The following NCBP3 variants were observed in gnomAD, a reference collection of about 807,000 sequenced individuals.
The protein encoded by NCBP3 is nuclear cap-binding protein subunit 3.
NCBP3 carries 20 observed loss-of-function variants against 75.7 expected under a neutral mutation model. The observed-to-expected ratio is 0.26, with a 90% CI of 0.19 to 0.38. The LOEUF is 0.38. Ranked by LOEUF, NCBP3 falls within the 10% of genes least tolerant of loss-of-function variation. The probability of loss-of-function intolerance (pLI) is 1.00; values close to 1 mark genes in which losing one functional copy is unlikely to be tolerated. For missense variants in NCBP3, 678 were observed against 796.9 expected, an observed-to-expected ratio of 0.85 and a Z score of 1.80; for synonymous variants, 293 against 290.5, an observed-to-expected ratio of 1.01 and a Z score of -0.09.
In NCBP3 at chr17:3,818,448, C is replaced by A; in HGVS notation, c.1125G>T (p.Glu375Asp). Residue 375 changes from glutamate (E) to aspartate (D), a missense_variant, in exon 10 of 13, where the codon GAG becomes GAT. Around this residue, in one of 7 missense-constraint regions of NCBP3, gnomAD observed 365 missense variants for 392.7 expected, o/e 0.93. Coordinates refer to ENST00000389005, the MANE Select transcript of NCBP3 (RefSeq NM_001114118.3). This position sits in a 1 kb window ranked among gnomAD's most constrained non-coding sequence, Gnocchi z 4.7. ...GGGGCTGCTTGAGAGCCGGGAGCTC[C>A]TCGTGGTACTCTACCACCACTCTGT... ...ADDRVVVEYH[E>D]ELPALKQPRE... 6.2e-7 allele frequency: 1 copy of A among 1,614,070 alleles called. No individual in the cohort carries two copies. The highest frequency in any genetic ancestry group is 8.5e-7 in the Non-Finnish European group (1 of 1,180,024).
At chr17:3,822,109 G>T in intron 7 of NCBP3, 57 bp from the exon 8 acceptor site, 6 of 1,230,128 alleles carry the variant, frequency 4.9e-6, no homozygotes, top group African/African-American at 1.5e-5. Context: ...AGACAATGTT[G>T]AATTTTTTTT....
At chr17:3,842,566 C>T (rs2429561) in intron 2 of NCBP3, among the ~76,000 whole-genome samples, 7,614 of 152,270 alleles carry the variant, frequency 0.05, 422 homozygotes, top group African/African-American at 0.14. Flanking sequence ...AACGGTTCAA[C>T]ACAGGTATCT....
rs1293316219 is a variant in NCBP3, at chr17:3,808,866, A to G, written c.*4178T>C. The G allele has an allele frequency of 6.6e-6, 1 of 152,142 alleles. No homozygotes were observed. The highest frequency in any genetic ancestry group is 1.5e-5 in the Non-Finnish European group (1 of 68,034). The allele number at this position is 152,142 out of a possible 1,614,324, so 9.4% of individuals were successfully genotyped here. A position where few individuals can be genotyped will look rare whatever the true frequency, so the allele number is the denominator to read the frequency against. On this transcript the variant is annotated 3_prime_UTR_variant, in exon 13 of 13. Transcript: ENST00000389005. ...GTGTGGAATTTATTCTCGGGGCAATAGTGAAGCTTTGGAAAACGTTCAAGC... is the reference window on the plus strand; with the variant it reads ...GTGTGGAATTTATTCTCGGGGCAATGGTGAAGCTTTGGAAAACGTTCAAGC...
intron 9 of NCBP3, among the ~76,000 whole-genome samples, chr17:3,819,645 C>T (rs915333972): frequency 6.6e-6 from 1 of 151,646 alleles, no homozygotes; most frequent in Admixed American, 6.6e-5. Flanking sequence ...AGGCTATGTA[C>T]GATTCAGTAT....
chr17:3,836,317 T>C (rs762970054), intron 3 of NCBP3, among the ~76,000 whole-genome samples: 7 of 152,200 alleles, frequency 4.6e-5, no homozygotes, highest in Non-Finnish European at 1.0e-4. Context: ...CGCCACTCTA[T>C]GGACTGTAAC....
chr17:3,842,183 G>C (rs565653874), intron 2 of NCBP3, among the ~76,000 whole-genome samples: 2 of 152,146 alleles, frequency 1.3e-5, no homozygotes, highest in Non-Finnish European at 2.9e-5. Context: ...CCAGCACTTC[G>C]GGAGGCTGAG....
chr17:3,824,946 T>C lies in NCBP3; in HGVS notation c.792A>G (p.Thr264=), dbSNP rs1231222773. ...AATACCAAATATTACATTTACCTTTTGTAGCAAATCTCATGAATAACCTAT... is the reference window on the plus strand; with the variant it reads ...AATACCAAATATTACATTTACCTTTCGTAGCAAATCTCATGAATAACCTAT... ...KGNRLFMRFA[T]KDDKKELGAA... Residue 264 remains threonine, a synonymous_variant, in exon 7 of 13, where the codon ACA becomes ACG. Transcript: ENST00000389005. 1 of 1,507,540 alleles carries C rather than the reference T, an allele frequency of 6.6e-7. No individual in the cohort carries two copies. The highest frequency in any genetic ancestry group is 9.0e-7 in the Non-Finnish European group (1 of 1,115,052). The allele number at this position is 1,507,540 out of a possible 1,614,324, so 93.4% of individuals were successfully genotyped here.
At chr17:3,820,240 G>A (rs2053636676) in intron 9 of NCBP3, among the ~76,000 whole-genome samples, 1 of 152,146 alleles carries the variant, frequency 6.6e-6, no homozygotes. Flanking sequence ...GTGAGCCACT[G>A]TTCCCATCCT....
In NCBP3 at chr17:3,806,948, G is replaced by A. The variant is rs978303651; in HGVS notation, c.*6096C>T. 1 of 152,150 alleles carries A rather than the reference G, an allele frequency of 6.6e-6. No individual in the cohort carries two copies. Among genetic ancestry groups the A allele is most frequent in the South Asian group, 2.1e-4 (1 of 4,828 alleles). The allele number at this position is 152,150 out of a possible 1,614,324, so 9.4% of individuals were successfully genotyped here. A position where few individuals can be genotyped will look rare whatever the true frequency, so the allele number is the denominator to read the frequency against. On this transcript the variant is annotated 3_prime_UTR_variant, in exon 13 of 13. Transcript: ENST00000389005. ...ATTATAAGGTTTAAAAGCAATTACT[G>A]TACTTATGTATCGAACTTATTTGTG... is the stretch of plus-strand genomic sequence containing the variant.
intron 3 of NCBP3, among the ~76,000 whole-genome samples, chr17:3,835,163 G>C (rs1216957803): frequency 6.6e-6 from 1 of 152,184 alleles, no homozygotes; most frequent in Non-Finnish European, 1.5e-5. Context: ...GAAAGCAGAG[G>C]TTTGAAATCA....
In NCBP3 at chr17:3,810,049, G is replaced by C. The variant is rs992726550; in HGVS notation, c.*2995C>G. Reference sequence around the variant, plus strand: ...TTGCTAATGGACTCAGGGTTTCTTTGGGTGATCAAAGTGTTTTAAAATTGA... The same window carrying C: ...TTGCTAATGGACTCAGGGTTTCTTTCGGTGATCAAAGTGTTTTAAAATTGA... On this transcript the variant is annotated 3_prime_UTR_variant, in exon 13 of 13. Coordinates refer to ENST00000389005, the MANE Select transcript of NCBP3 (RefSeq NM_001114118.3). The C allele has an allele frequency of 3.4e-4, 52 of 152,160 alleles. No homozygotes were observed. The highest frequency in any genetic ancestry group is 1.2e-3 in the African/African-American group (51 of 41,434). 9.4% of individuals were successfully genotyped at this position (152,160 alleles called of 1,614,324 possible). A position where few individuals can be genotyped will look rare whatever the true frequency, so the allele number is the denominator to read the frequency against.
Position 3,813,233 on chromosome 17 carries a change from C to A in NCBP3, c.1674G>T (p.Lys558Asn). The A allele has an allele frequency of 6.2e-7, 1 of 1,614,270 alleles. No homozygotes were observed. The highest frequency in any genetic ancestry group is 8.5e-7 in the Non-Finnish European group (1 of 1,180,050). The change falls in exon 13 of 13, where the codon AAG becomes AAT. Residue 558 changes from lysine (K) to asparagine (N), a missense_variant. Lys to Asn is a moderately conservative substitution (Grantham distance 94). Around this residue, in one of 7 missense-constraint regions of NCBP3, gnomAD observed 365 missense variants for 392.7 expected, o/e 0.93. Transcript: ENST00000389005. Reference protein sequence around the residue: ...RLGSAPKTKEKNTKKVDHRAP... With the variant: ...RLGSAPKTKENNTKKVDHRAP... ...CCCTGTGATCCACTTTCTTCGTATT[C>A]TTTTCTTTGGTCTTGGGTGCAGATC...
chr17:3,838,531 C>A (rs1273512526), intron 3 of NCBP3, among the ~76,000 whole-genome samples: 1 of 152,240 alleles, frequency 6.6e-6, no homozygotes, highest in Non-Finnish European at 1.5e-5. Context: ...AAGAGTGAAG[C>A]AGCTTCCAGA....
At chr17:3,843,282 G>A in intron 1 of NCBP3, 131 bp from the exon 2 acceptor site, 2 of 691,398 alleles carry the variant, frequency 2.9e-6, no homozygotes, top group African/African-American at 2.1e-5. Context: ...GTCTTGCTCT[G>A]TTGCCCAGGC....
Position 3,811,038 on chromosome 17 carries a change from C to T in NCBP3, c.*2006G>A, listed in dbSNP as rs1487381727. The T allele has an allele frequency of 6.6e-6, 1 of 152,394 alleles. No homozygotes were observed. Among genetic ancestry groups the T allele is most frequent in the African/African-American group, 2.4e-5 (1 of 41,466 alleles). 9.4% of individuals were successfully genotyped at this position (152,394 alleles called of 1,614,324 possible). Reference sequence around the variant, plus strand: ...TGGGATGGGAATAAGCCCCTGTCTACACCTCATGCGCGCCCTCAGTTGTCT... The same window carrying T: ...TGGGATGGGAATAAGCCCCTGTCTATACCTCATGCGCGCCCTCAGTTGTCT... On this transcript the variant is annotated 3_prime_UTR_variant, in exon 13 of 13. Coordinates refer to ENST00000389005, the MANE Select transcript of NCBP3 (RefSeq NM_001114118.3).
intron 10 of NCBP3, among the ~76,000 whole-genome samples, chr17:3,817,591 T>C (rs1344735100): frequency 6.6e-6 from 1 of 151,958 alleles, no homozygotes; most frequent in Non-Finnish European, 1.5e-5. Flanking sequence ...ATCGCGCCAC[T>C]GCACTCCAGC....
chr17:3,840,887 G>GA (rs1286287395), intron 2 of NCBP3, among the ~76,000 whole-genome samples: 1 of 152,274 alleles, frequency 6.6e-6, no homozygotes, highest in South Asian at 2.1e-4. Flanking sequence ...ACACTTTACT[G>GA]AAAAAATAAT....
Position 3,830,165 on chromosome 17 carries a change from C to T in NCBP3, c.356-797G>A, listed in dbSNP as rs117749802. Among the ~76,000 whole-genome samples the T allele has an allele frequency of 8.5e-4, 129 of 152,272 alleles. 1 individual carries two copies. The highest frequency in any genetic ancestry group is 2.2e-3 in the African/African-American group (93 of 41,566). On this transcript the variant is annotated intron_variant, in intron 3 of 12. Transcript: ENST00000389005. ...GGTCTGCAGAAAACGTGATTTTGCA[C>T]GTGCCCTACGGACCTAGGAACTCCA...
intron 3 of NCBP3, among the ~76,000 whole-genome samples, chr17:3,834,068 C>G (rs1476963117): frequency 6.6e-6 from 1 of 152,150 alleles, no homozygotes; most frequent in African/African-American, 2.4e-5. Context: ...CACTATTGCA[C>G]TGCCGGTCAC....
Sources: gnomAD v4.1 joint callset for allele counts (sites outside exome capture counted in the v4.1 genomes callset) on GRCh38, gnomAD v4.1.1 for gene constraint, gnomAD v4.1.1 regional missense constraint, Gnocchi (gnomAD v3.1) non-coding constraint, MANE v1.5 for transcripts, NCBI Gene and HGNC (gene_info 2026-07-23, HGNC 2026-07-21) for gene names.